BICRA: variants seen among roughly 807,000 people sequenced by gnomAD.
BICRA encodes BRD4 interacting chromatin remodeling complex associated protein, also known as BRD4-interacting chromatin-remodeling complex-associated protein.
A neutral mutation model predicts 96.9 loss-of-function variants in BICRA; 31 were observed. The ratio of observed to expected loss-of-function variants is 0.32; its 90% CI spans 0.24 to 0.43. The LOEUF (loss-of-function observed/expected upper bound fraction) is 0.43. Ranked by LOEUF, BICRA falls within the 20% of genes least tolerant of loss-of-function variation. The pLI is 1.00. For missense variants in BICRA, 2,283 were observed against 2,190.3 expected, an observed-to-expected ratio of 1.04 and a Z score of -0.84; for synonymous variants, 1,350 against 1,071.8, an observed-to-expected ratio of 1.26 and a Z score of -5.07.
intron 1 of BICRA, among the ~76,000 whole-genome samples, chr19:47,644,517 T>G: frequency 6.8e-6 from 1 of 146,828 alleles, no homozygotes; most frequent in Admixed American, 6.8e-5. Context: ...TTTTTTTTCT[T>G]TCTGATGGAA....
chr19:47,693,528 C>T (rs114895635), intron 7 of BICRA, among the ~76,000 whole-genome samples: 1 of 152,250 alleles, frequency 6.6e-6, no homozygotes, highest in South Asian at 2.1e-4. Context: ...CAGGCCTGTC[C>T]CTGTGTGGCC....
intron 1 of BICRA, among the ~76,000 whole-genome samples, chr19:47,628,944 A>G (rs1972179147): frequency 6.6e-6 from 1 of 151,298 alleles, no homozygotes. Flanking sequence ...GTAGTGTTAA[A>G]TGTACTTTTA....
chr19:47,615,650 C>T (rs1971974124), intron 1 of BICRA: 1 of 152,164 alleles, frequency 6.6e-6, no homozygotes. Flanking sequence ...CCATAAAGTG[C>T]CAAGGTAGCC....
chr19:47,679,881 G>A lies in BICRA; in HGVS notation c.711G>A (p.Val237=), dbSNP rs1264424556. 11 of 1,518,634 alleles carry A rather than the reference G, an allele frequency of 7.2e-6. No individual in the cohort carries two copies. Among genetic ancestry groups the A allele is most frequent in the Non-Finnish European group, 7.9e-6 (9 of 1,139,428 alleles). The allele number at this position is 1,518,634 out of a possible 1,614,324, so 94.1% of individuals were successfully genotyped here. Residue 237 remains valine, a synonymous_variant, in exon 6 of 15, where the codon GTG becomes GTA. Coordinates refer to ENST00000594866, the MANE Select transcript of BICRA (RefSeq NM_001394372.1). ...CACTGGGCCTGGCGCCCATCCAGGT[G>A]GTGGGCCAGCCCGTCATGGCGCTCA... The part of the protein sequence containing the change: ...AATLGLAPIQ[V]VGQPVMALNT...
At chr19:47,619,873 T>C (rs1228436251) in intron 1 of BICRA, among the ~76,000 whole-genome samples, 1 of 152,174 alleles carries the variant, frequency 6.6e-6, no homozygotes, top group Non-Finnish European at 1.5e-5. Context: ...AGTTTAAGCA[T>C]GCCTTTCCAT....
Position 47,687,562 on chromosome 19 carries a change from C to T in BICRA, c.2283+5410C>T, listed in dbSNP as rs564866768. Among the ~76,000 whole-genome samples the T allele has an allele frequency of 7.2e-5, 11 of 152,090 alleles. 2 individuals are homozygous for T. Among genetic ancestry groups the T allele is most frequent in the African/African-American group, 1.9e-4 (8 of 41,498 alleles). ...CTGTAGTCTCAGCACTTTGGGAGGC[C>T]GAGGCGGGCAATCACCTGAGGTCAG... is the stretch of plus-strand genomic sequence containing the variant. On this transcript the variant is annotated intron_variant, in intron 7 of 14. Coordinates refer to ENST00000594866, the MANE Select transcript of BICRA (RefSeq NM_001394372.1).
chr19:47,639,846 G>C (rs1345874342), intron 1 of BICRA, among the ~76,000 whole-genome samples: 1 of 151,124 alleles, frequency 6.6e-6, no homozygotes, highest in Non-Finnish European at 1.5e-5. Context: ...GTCTAGCTAT[G>C]ATGCCCAGGC....
chr19:47,690,264 A>G (rs1973221883), intron 7 of BICRA, among the ~76,000 whole-genome samples: 1 of 152,082 alleles, frequency 6.6e-6, no homozygotes, highest in Non-Finnish European at 1.5e-5. Flanking sequence ...AGCCTCCCAA[A>G]GTGCTGGGAT....
chr19:47,685,502 A>G lies in BICRA; in HGVS notation c.2283+3350A>G, dbSNP rs1412880056. Among the ~76,000 whole-genome samples, 4 of 152,126 alleles carry G rather than the reference A, an allele frequency of 2.6e-5. No homozygotes were observed. In the South Asian group the frequency reaches 8.3e-4, roughly 32 times the overall value. ...GATGGATGGCTGAATAGACGGACGG[A>G]TGGATGGCATGGGTGGGTGTGTGAC... On this transcript the variant is annotated intron_variant, in intron 7 of 14. Coordinates refer to ENST00000594866, the MANE Select transcript of BICRA (RefSeq NM_001394372.1).
chr19:47,702,018 T>G lies in BICRA; in HGVS notation c.4286T>G (p.Ile1429Ser). 6.7e-7 allele frequency: 1 copy of G among 1,489,936 alleles called. No homozygotes were observed. Among genetic ancestry groups the G allele is most frequent in the Non-Finnish European group, 8.9e-7 (1 of 1,128,774 alleles). The allele number at this position is 1,489,936 out of a possible 1,614,324, so 92.3% of individuals were successfully genotyped here. ...AKVDEATSGL[I>S]RELAAVEDEL... is the part of the protein sequence containing the mutation. ...GTGGACGAGGCCACCAGCGGGCTCA[T>G]CCGCGAGCTGGCGGCCGTGGAGGAC... The change falls in exon 15 of 15, where the codon ATC becomes AGC. Residue 1429 changes from isoleucine (I) to serine (S), a missense_variant. Ile to Ser is a moderately radical substitution (Grantham distance 142, BLOSUM62 -2). Transcript: ENST00000594866.
At chr19:47,695,343 C>CCA in intron 9 of BICRA, 22 bp from the exon 10 acceptor site, 21 of 630,194 alleles carry the variant, frequency 3.3e-5, no homozygotes, top group South Asian at 7.8e-5. Flanking sequence ...GGCCCTGTCT[C>CCA]CCCCACCCCA....
intron 1 of BICRA, among the ~76,000 whole-genome samples, chr19:47,619,688 G>A (rs1392210808): frequency 1.3e-5 from 2 of 152,084 alleles, no homozygotes; most frequent in Non-Finnish European, 2.9e-5. Flanking sequence ...ACTTGAGGCC[G>A]GGAGTCCGAG....
At chr19:47,657,346 G>A (rs1321246277) in intron 1 of BICRA, among the ~76,000 whole-genome samples, 3 of 152,062 alleles carry the variant, frequency 2.0e-5, no homozygotes, top group Admixed American at 1.3e-4. Context: ...ACCTGTTGAT[G>A]GCTTTCTGTG....
Position 47,680,610 on chromosome 19 carries a change from C to T in BICRA, c.1440C>T (p.Val480=). 2 of 1,609,338 alleles carry T rather than the reference C, an allele frequency of 1.2e-6. No individual in the cohort carries two copies. Among genetic ancestry groups the T allele is most frequent in the Non-Finnish European group, 1.7e-6 (2 of 1,178,502 alleles). ...TCCTACTGCCTGGCGCCCCGGCGGT[C>T]CAGCTCCCGCAGCAGCTCTCAGCCC... The part of the protein sequence containing the change: ...NQFLLPGAPA[V]QLPQQLSALP... Residue 480 remains valine (V), a synonymous_variant, in exon 6 of 15, where the codon GTC becomes GTT. Transcript: ENST00000594866.
At chr19:47,650,123 TTTTGTTTG>T (rs578023673) in intron 1 of BICRA, among the ~76,000 whole-genome samples, 15 of 151,894 alleles carry the variant, frequency 9.9e-5, no homozygotes, top group African/African-American at 2.9e-4. Flanking sequence ...TGGCTAATTT[TTTTGTTTG>T]TTTGTTTGTT....
chr19:47,669,053 G>A (rs960199115), intron 1 of BICRA, among the ~76,000 whole-genome samples: 3 of 151,868 alleles, frequency 2.0e-5, no homozygotes, highest in Admixed American at 1.3e-4. Context: ...GCAGTGAGCC[G>A]AGATCGCATC....
chr19:47,620,329 G>C (rs1972046242), intron 1 of BICRA, among the ~76,000 whole-genome samples: 1 of 151,958 alleles, frequency 6.6e-6, no homozygotes, highest in Admixed American at 6.6e-5. Flanking sequence ...TGGAGAAAGG[G>C]GAGCAGAGAC....
chr19:47,620,786 T>A (rs150755889), intron 1 of BICRA, among the ~76,000 whole-genome samples: 1 of 151,502 alleles, frequency 6.6e-6, no homozygotes, highest in East Asian at 1.9e-4. Context: ...GGAATCCCGA[T>A]GAGTGGCGTC....
At chr19:47,681,351 G>A (rs1429173304) in intron 6 of BICRA, 75 bp downstream of exon 6, 82 of 1,333,868 alleles carry the variant, frequency 6.1e-5, no homozygotes, top group Non-Finnish European at 7.8e-5. Flanking sequence ...GGGGCGAGGC[G>A]CCAAGATCCA....
Sources: allele counts gnomAD v4.1 joint callset (sites outside exome capture counted in the v4.1 genomes callset), GRCh38; gene constraint gnomAD v4.1.1; transcripts MANE v1.5; gene names NCBI Gene and HGNC (gene_info 2026-07-23, HGNC 2026-07-21).